Variants in RAPGEF1 observed in about 807,000 individuals in gnomAD.
RAPGEF1 encodes the protein Rap guanine nucleotide exchange factor 1, also known as CRK SH3-binding GNRP.
A neutral mutation model predicts 143.3 loss-of-function variants in RAPGEF1; 33 were observed. That is an observed-to-expected ratio of 0.23 (90% confidence interval 0.17 to 0.31). RAPGEF1 has a LOEUF of 0.31. RAPGEF1 is among the 10% of genes least tolerant of loss of function. The pLI is 1.00. For synonymous variants in RAPGEF1, 629 were observed against 676.5 expected, an observed-to-expected ratio of 0.93 and a Z score of 1.09; for missense variants, 1,199 against 1,645.4, an observed-to-expected ratio of 0.73 and a Z score of 4.69.
At chr9:131,698,392 G>C (rs559035395) in intron 1 of RAPGEF1, among the ~76,000 whole-genome samples, 22 of 152,296 alleles carry the variant, frequency 1.4e-4, no homozygotes, top group African/African-American at 5.1e-4. Context: ...GCAAGTTACT[G>C]GATGCTCAGT....
At chr9:131,682,271 A>G (rs1337254223) in intron 1 of RAPGEF1, among the ~76,000 whole-genome samples, 2 of 152,268 alleles carry the variant, frequency 1.3e-5, no homozygotes, top group Non-Finnish European at 2.9e-5. Context: ...TGGGCTAATC[A>G]GTGTCACTCT....
At chr9:131,737,967 CA>C (rs10712540) in intron 1 of RAPGEF1, among the ~76,000 whole-genome samples, 130,616 of 137,394 alleles carry the variant, frequency 0.95, 62,359 homozygotes, top group Non-Finnish European at 0.99. Flanking sequence ...GACTCCGTCT[CA>C]AAAAAAAAAA....
Position 131,627,931 on chromosome 9 carries a change from T to G in RAPGEF1, c.1183A>C (p.Thr395Pro). ...GGCTCACCTAGTGTTTCACAGCTTGTGTTCCGGGAGCACTGCCCACTGTCC... is the reference window on the plus strand; with the variant it reads ...GGCTCACCTAGTGTTTCACAGCTTGGGTTCCGGGAGCACTGCCCACTGTCC... Reference protein sequence around the residue: ...DRDSGQCSRNTSCETLDHYDP... With the variant: ...DRDSGQCSRNPSCETLDHYDP... Residue 395 changes from threonine (T) to proline (P), a missense_variant, in exon 9 of 27, where the codon ACA becomes CCA. Physicochemically the swap from Thr to Pro is conservative, Grantham distance 38. Transcript: ENST00000683357. The G allele has an allele frequency of 6.3e-7, 1 of 1,584,402 alleles. No individual in the cohort carries two copies. The highest frequency in any genetic ancestry group is 1.2e-5 in the South Asian group (1 of 86,778).
At chr9:131,608,812 G>A (rs1957533830) in intron 12 of RAPGEF1, among the ~76,000 whole-genome samples, 1 of 152,148 alleles carries the variant, frequency 6.6e-6, no homozygotes, top group Non-Finnish European at 1.5e-5. Context: ...ATTTACAACA[G>A]GCCCCCATCT....
rs71374114 is a variant in RAPGEF1, at chr9:131,587,305, A to AACACACAC, written c.3233+423_3233+430dup. On this transcript the variant is annotated intron_variant, in intron 22 of 26. Coordinates refer to ENST00000683357, the MANE Select transcript of RAPGEF1 (RefSeq NM_001377935.1). ...ACCTGCAGAGCGAGACTCCGTCTCA[A>AACACACAC]ACACACACACACACACACACACGAA... 9.5e-4 allele frequency among the ~76,000 whole-genome samples: 84 copies of AACACACAC among 88,470 alleles called. 11 individuals are homozygous for AACACACAC. The highest frequency in any genetic ancestry group is 2.8e-3 in the South Asian group (7 of 2,506). 58.0% of individuals were successfully genotyped at this position (88,470 alleles called of 152,430 possible). A position where few individuals can be genotyped will look rare whatever the true frequency, so the allele number is the denominator to read the frequency against.
In RAPGEF1 at chr9:131,583,748, C is replaced by A. The variant is rs902261191; in HGVS notation, c.3414+563G>T. Among the ~76,000 whole-genome samples the A allele has an allele frequency of 2.0e-5, 3 of 152,190 alleles. No homozygotes were observed. The highest frequency in any genetic ancestry group is 4.4e-5 in the Non-Finnish European group (3 of 68,028). On this transcript the variant is annotated intron_variant, in intron 24 of 26. Transcript: ENST00000683357. The surrounding 1 kb of genome is among the most constrained non-coding windows in gnomAD (Gnocchi z 4.7). ...CCGGGATGTGGTCCCCTGGCCTCCT[C>A]CTGTCCCTGGAGGTGCTGACCCCCA...
chr9:131,720,359 G>C (rs77458466), intron 1 of RAPGEF1, among the ~76,000 whole-genome samples: 3,433 of 152,264 alleles, frequency 0.023, 147 homozygotes, highest in African/African-American at 0.078. Flanking sequence ...TTACAGGTAA[G>C]TCCCTATGAC....
intron 12 of RAPGEF1, among the ~76,000 whole-genome samples, chr9:131,617,265 G>C (rs1468859019): frequency 2.0e-5 from 3 of 152,250 alleles, no homozygotes; most frequent in African/African-American, 7.2e-5. Flanking sequence ...ATTTGTGAAA[G>C]GAGCTTGCCA....
rs1041960939 is a variant in RAPGEF1 at position 131,739,883 on chromosome 9, G to C, written c.-53C>G. 4,563 of 963,372 alleles carry C rather than the reference G, an allele frequency of 4.7e-3. 20 individuals are homozygous for C. Among genetic ancestry groups the C allele is most frequent in the Non-Finnish European group, 5.3e-3 (4,265 of 811,334 alleles). 59.7% of individuals were successfully genotyped at this position (963,372 alleles called of 1,614,324 possible). A position where few individuals can be genotyped will look rare whatever the true frequency, so the allele number is the denominator to read the frequency against. ...GACAGGGGCGGCGCGCCCGCCGCTC[G>C]CCTCGGCCCTGGCTCGCCACGCCTC... On this transcript the variant is annotated 5_prime_UTR_variant, in exon 1 of 27. Coordinates refer to ENST00000683357, the MANE Select transcript of RAPGEF1 (RefSeq NM_001377935.1).
At chr9:131,612,468 C>A (rs760334460) in intron 12 of RAPGEF1, among the ~76,000 whole-genome samples, 44 of 152,220 alleles carry the variant, frequency 2.9e-4, no homozygotes, top group Admixed American at 4.6e-4. Flanking sequence ...ATGCGAGGCA[C>A]TCTCAGCTCT....
rs1424841460 is a variant in RAPGEF1, at chr9:131,596,293, C to G, written c.2689+5G>C. ...CCCAATCTAGTGAGCTCACTGACACCCTACCTTTCCTGTCAGTCTCAGTAG... is the reference window on the plus strand; with the variant it reads ...CCCAATCTAGTGAGCTCACTGACACGCTACCTTTCCTGTCAGTCTCAGTAG... On this transcript the variant is annotated splice_donor_5th_base_variant and intron_variant, in intron 17 of 26. Coordinates refer to ENST00000683357, the MANE Select transcript of RAPGEF1 (RefSeq NM_001377935.1). 1.2e-6 allele frequency: 2 copies of G among 1,613,810 alleles called. No individual in the cohort carries two copies. The highest frequency in any genetic ancestry group is 3.3e-5 in the Admixed American group (2 of 60,012).
intron 1 of RAPGEF1, among the ~76,000 whole-genome samples, chr9:131,727,214 A>C (rs1836736827): frequency 6.6e-6 from 1 of 152,182 alleles, no homozygotes. Context: ...GACTGAACTA[A>C]GTCCTGATTG....
Position 131,582,643 on chromosome 9 carries a change from G to C in RAPGEF1, c.3474C>G (p.Ala1158=), listed in dbSNP as rs201714090. Residue 1158 remains alanine (A), a synonymous_variant, in exon 25 of 27, where the codon GCC becomes GCG. Transcript: ENST00000683357. ...ACGGCGGTTCCACCTCCGAGAGGGC[G>C]GCCCGGTAGGCTCGGAAGGAGGACG... ...DSSSSFRAYR[A]ALSEVEPPCI... The C allele has an allele frequency of 6.5e-7, 1 of 1,534,234 alleles. No homozygotes were observed. Among genetic ancestry groups the C allele is most frequent in the Non-Finnish European group, 8.7e-7 (1 of 1,150,620 alleles).
At position 131,739,491 on chromosome 9, in the gene RAPGEF1, C is replaced by G. The variant is rs1362012920; in HGVS notation, c.61+279G>C. ...GGGCTCGAGCCATTTTCGGAAGTTC[C>G]CGGGGACCGCGGAGCGGCTAGCGCG... On this transcript the variant is annotated intron_variant, in intron 1 of 26. Transcript: ENST00000683357. Among the ~76,000 whole-genome samples, 3 of 151,896 alleles carry G rather than the reference C, an allele frequency of 2.0e-5. No homozygotes were observed. The East Asian group carries it at 5.8e-4, about 29-fold the overall frequency.
intron 1 of RAPGEF1, among the ~76,000 whole-genome samples, chr9:131,711,361 CTTT>C (rs71374121): frequency 7.7e-6 from 1 of 130,302 alleles, no homozygotes; most frequent in African/African-American, 2.9e-5. Flanking sequence ...CTATTATCAC[CTTT>C]TTTTTTTTTT....
chr9:131,645,479 A>C (rs1969318290), intron 3 of RAPGEF1, among the ~76,000 whole-genome samples: 1 of 152,242 alleles, frequency 6.6e-6, no homozygotes, highest in Admixed American at 6.5e-5. Flanking sequence ...TCAGCTGTTT[A>C]AGAGTCAGGC....
intron 5 of RAPGEF1, among the ~76,000 whole-genome samples, chr9:131,636,423 C>T (rs1268541419): frequency 6.6e-6 from 1 of 152,200 alleles, no homozygotes; most frequent in Non-Finnish European, 1.5e-5. Flanking sequence ...ATAGGTTTCT[C>T]TCTCCTTTTT....
Position 131,577,688 on chromosome 9 carries a change from C to G in RAPGEF1, c.*1809G>C, listed in dbSNP as rs1038425163. On this transcript the variant is annotated 3_prime_UTR_variant, in exon 27 of 27. Transcript: ENST00000683357. ...ATGAAGGGACTTCAAAAAGAAGGAA[C>G]AAACTAAAAACCCAACCCACACACA... 1 of 151,496 alleles carries G rather than the reference C, an allele frequency of 6.6e-6. No homozygotes were observed. The highest frequency in any genetic ancestry group is 1.5e-5 in the Non-Finnish European group (1 of 67,950). The allele number at this position is 151,496 out of a possible 1,614,324, so 9.4% of individuals were successfully genotyped here.
At chr9:131,605,216 A>G (rs1331572885) in intron 12 of RAPGEF1, 28 bp from the exon 13 acceptor site, 2 of 1,275,614 alleles carry the variant, frequency 1.6e-6, no homozygotes, top group East Asian at 5.1e-5. Flanking sequence ...AGAACAAACA[A>G]AAACGAGAAT....
Sources: allele counts gnomAD v4.1 joint callset (sites outside exome capture counted in the v4.1 genomes callset), GRCh38; gene constraint gnomAD v4.1.1; non-coding constraint Gnocchi (gnomAD v3.1); transcripts MANE v1.5; gene names NCBI Gene and HGNC (gene_info 2026-07-23, HGNC 2026-07-21).